B4GALT6: variants seen among roughly 807,000 people sequenced by gnomAD.
B4GALT6 encodes the protein beta-1,4-galactosyltransferase 6, also known as UDP-Gal:beta-GlcNAc beta-1,4-galactosyltransferase 6.
In B4GALT6, 14 loss-of-function variants were observed where a neutral mutation model predicts 46.3. The observed-to-expected ratio is 0.30, with a 90% confidence interval of 0.20 to 0.47. The LOEUF (loss-of-function observed/expected upper bound fraction) is 0.47, where lower values mean the gene tolerates loss of function less well. Among genes scored for constraint, B4GALT6 ranks in the 20% least tolerant of loss-of-function variants. The probability of loss-of-function intolerance (pLI) is 0.99; values close to 1 mark genes in which losing one functional copy is unlikely to be tolerated. For synonymous variants in B4GALT6, 168 were observed against 162.0 expected (o/e 1.04, Z -0.28); for missense variants, 386 against 480.1 (o/e 0.80, Z 1.83).
At position 31,627,024 on chromosome 18, in the gene B4GALT6, C is replaced by T; in HGVS notation, c.874G>A (p.Gly292Arg). 1.2e-6 allele frequency: 2 copies of T among 1,611,180 alleles called. No individual in the cohort carries two copies. The highest frequency in any genetic ancestry group is 1.7e-6 in the Non-Finnish European group (2 of 1,178,868). ...CTGTTCCAAAGGTCATCATCTTCTC[C>T]TCCCCATCCCCAGAAGGCATTAGGA... ...GFPNAFWGWG[G>R]EDDDLWNRVH... is the part of the protein sequence containing the mutation. Residue 292 changes from glycine to arginine, a missense_variant, in exon 7 of 9, where the codon GGA becomes AGA. Gly to Arg is a moderately radical substitution (Grantham distance 125). Transcript: ENST00000306851.
intron 3 of B4GALT6, among the ~76,000 whole-genome samples, chr18:31,649,364 A>AGAAT (rs1012905803): frequency 3.5e-4 from 53 of 152,128 alleles, no homozygotes; most frequent in African/African-American, 8.9e-4. Context: ...GCCTGGACAC[A>AGAAT]GAATGAATGA....
chr18:31,716,634 C>G, the B4GALT6 span, among the ~76,000 whole-genome samples: 2 of 152,148 alleles, frequency 1.3e-5, no homozygotes, highest in Non-Finnish European at 2.9e-5. Flanking sequence ...AACTAACTAG[C>G]CTGCCCCACT....
chr18:31,628,366 T>C (rs866997657), intron 6 of B4GALT6, among the ~76,000 whole-genome samples: 4 of 152,200 alleles, frequency 2.6e-5, no homozygotes, highest in Admixed American at 6.5e-5. Context: ...GCTAGTAGTT[T>C]AGGAAAAACC....
chr18:31,695,015 G>A, the B4GALT6 span, among the ~76,000 whole-genome samples: 17 of 152,104 alleles, frequency 1.1e-4, no homozygotes, highest in African/African-American at 4.1e-4. Context: ...AAATATTCTA[G>A]GAGACTTCAT....
chr18:31,696,290 C>A, the B4GALT6 span, among the ~76,000 whole-genome samples: 2 of 152,094 alleles, frequency 1.3e-5, no homozygotes, highest in Admixed American at 1.3e-4. Flanking sequence ...ATCCATCATA[C>A]GCGTATTTGG....
At chr18:31,638,594 A>C in intron 5 of B4GALT6, 50 bp downstream of exon 5, 3 of 1,346,154 alleles carry the variant, frequency 2.2e-6, no homozygotes, top group Non-Finnish European at 3.2e-6. Flanking sequence ...ACCATATCTA[A>C]GAGTTTAGAT....
intron 1 of B4GALT6, among the ~76,000 whole-genome samples, chr18:31,676,584 T>G (rs2074417573): frequency 6.6e-6 from 1 of 152,194 alleles, no homozygotes; most frequent in Admixed American, 6.5e-5. Flanking sequence ...ATTTCTCTTC[T>G]GAAGGAAAAG....
At chr18:31,680,533 A>C (rs1293608241) in intron 1 of B4GALT6, among the ~76,000 whole-genome samples, 2 of 152,070 alleles carry the variant, frequency 1.3e-5, no homozygotes, top group African/African-American at 4.8e-5. Flanking sequence ...AGTCAGACCA[A>C]AGTGGCCCAA....
upstream of B4GALT6, chr18:31,685,754 A>G (rs2074542146): frequency 6.6e-6 from 1 of 152,272 alleles, no homozygotes; most frequent in South Asian, 2.1e-4. Flanking sequence ...GCATCTCCAA[A>G]AGGGGACTTC....
At chr18:31,655,985 A>C (rs1005961759) in intron 3 of B4GALT6, among the ~76,000 whole-genome samples, 1 of 152,154 alleles carries the variant, frequency 6.6e-6, no homozygotes, top group African/African-American at 2.4e-5. Flanking sequence ...CAGCGGCAAC[A>C]GCATCACCTT....
At chr18:31,635,597 G>A (rs907857328) in intron 5 of B4GALT6, among the ~76,000 whole-genome samples, 3 of 152,028 alleles carry the variant, frequency 2.0e-5, no homozygotes, top group Non-Finnish European at 1.5e-5. Flanking sequence ...AAACAAAAAG[G>A]CAGATTTAGA....
chr18:31,658,414 C>T (rs1212759526), intron 2 of B4GALT6: 1 of 199,852 alleles, frequency 5.0e-6, no homozygotes, highest in East Asian at 1.1e-4. Flanking sequence ...GAAAGTACAC[C>T]AGGGAATCCC....
intron 1 of B4GALT6, among the ~76,000 whole-genome samples, chr18:31,676,754 G>A (rs1161887139): frequency 1.3e-5 from 2 of 152,138 alleles, no homozygotes; most frequent in African/African-American, 4.8e-5. Flanking sequence ...CCACCATTTG[G>A]GGTATTTTTC....
rs554298064 is a variant in B4GALT6, at chr18:31,678,173, G to C, written c.115+6139C>G. Among the ~76,000 whole-genome samples the C allele has an allele frequency of 4.7e-4, 71 of 152,264 alleles. 1 individual carries two copies. Among genetic ancestry groups the C allele is most frequent in the African/African-American group, 1.7e-3 (70 of 41,548 alleles). Reference sequence around the variant, plus strand: ...AGTAACAGTGTTTAAGGGAATCCAAGAGGTCTGTCCAGTATCCCAAACAAA... The same window carrying C: ...AGTAACAGTGTTTAAGGGAATCCAACAGGTCTGTCCAGTATCCCAAACAAA... On this transcript the variant is annotated intron_variant, in intron 1 of 8. Coordinates refer to ENST00000306851, the MANE Select transcript of B4GALT6 (RefSeq NM_004775.5).
chr18:31,693,557 C>T, the B4GALT6 span, among the ~76,000 whole-genome samples: 1 of 151,914 alleles, frequency 6.6e-6, no homozygotes, highest in African/African-American at 2.4e-5. Flanking sequence ...ACCAAAAGAT[C>T]CTAAGTGCAG....
At chr18:31,682,978 T>A (rs1296093511) in intron 1 of B4GALT6, among the ~76,000 whole-genome samples, 1 of 152,174 alleles carries the variant, frequency 6.6e-6, no homozygotes. Flanking sequence ...AGGTTTTTTG[T>A]TTTTTCTGGC....
chr18:31,669,583 T>A (rs2074326089), intron 1 of B4GALT6, among the ~76,000 whole-genome samples: 1 of 152,164 alleles, frequency 6.6e-6, no homozygotes, highest in Admixed American at 6.5e-5. Context: ...AACAAATTCA[T>A]CTTTGGTAAC....
chr18:31,688,915 T>G (rs2030018840), upstream of B4GALT6, among the ~76,000 whole-genome samples: 1 of 152,250 alleles, frequency 6.6e-6, no homozygotes, highest in African/African-American at 2.4e-5. Context: ...GTAAGTGTTT[T>G]CTTCATGTAT....
At chr18:31,673,973 A>AGAGG in intron 1 of B4GALT6, among the ~76,000 whole-genome samples, 1 of 152,276 alleles carries the variant, frequency 6.6e-6, no homozygotes, top group East Asian at 1.9e-4. Context: ...ATGTGAAGAC[A>AGAGG]GAGGCAGTGA....
Sources: gnomAD v4.1 joint callset for allele counts (sites outside exome capture counted in the v4.1 genomes callset) on GRCh38, gnomAD v4.1.1 for gene constraint, MANE v1.5 for transcripts, NCBI Gene and HGNC (gene_info 2026-07-23, HGNC 2026-07-21) for gene names.